The following DNAH6 variants were observed in gnomAD, a reference collection of about 807,000 sequenced individuals.
The protein encoded by DNAH6 is dynein axonemal heavy chain 6.
In DNAH6, 340 loss-of-function variants were observed where a neutral mutation model predicts 491.4. That is an observed-to-expected ratio of 0.69 (90% CI 0.63 to 0.76). The LOEUF is 0.76. DNAH6 is among the 30% of genes least tolerant of loss of function. The pLI is 0.00. For synonymous variants in DNAH6, 1,603 were observed against 1,686.1 expected, an observed-to-expected ratio of 0.95 and a Z score of 1.21; for missense variants, 4,443 against 4,972.2, an observed-to-expected ratio of 0.89 and a Z score of 3.20.
At chr2:84,460,745 T>C in the DNAH6 span, among the ~76,000 whole-genome samples, 3 of 152,216 alleles carry the variant, frequency 2.0e-5, no homozygotes, top group Non-Finnish European at 4.4e-5. Context: ...TATTTCAACC[T>C]CTTGTAATAA....
intron 4 of DNAH6, among the ~76,000 whole-genome samples, chr2:84,535,508 A>T (rs1241772857): frequency 6.6e-6 from 1 of 151,980 alleles, no homozygotes; most frequent in Non-Finnish European, 1.5e-5. Context: ...TAAAAGCATT[A>T]CAAGAACAAA....
In DNAH6 at chr2:84,588,741, T is replaced by C. The variant is rs574468604; in HGVS notation, c.2482-85T>C. ...AAAAGAAAAGAGAAAGGAATCTTTT[T>C]AAAAATGTTTATTAATTCATTTAAT... On this transcript the variant is annotated intron_variant, in intron 15 of 76. Transcript: ENST00000389394. The C allele has an allele frequency of 2.6e-4, 309 of 1,192,264 alleles. 4 individuals carry two copies. The South Asian group carries it at 5.3e-3, about 21-fold the overall frequency. 73.9% of individuals were successfully genotyped at this position (1,192,264 alleles called of 1,614,324 possible).
At chr2:84,662,111 A>T (rs1691567031) in intron 37 of DNAH6, among the ~76,000 whole-genome samples, 1 of 149,756 alleles carries the variant, frequency 6.7e-6, no homozygotes, top group African/African-American at 2.4e-5. Flanking sequence ...CTTGAGGTTT[A>T]AAAAAAAAAT....
rs1573838136 is a variant in DNAH6 at position 84,796,441 on chromosome 2, A to G, written c.11359+16A>G. ...TCTGAATCAGGTGAATGACTTTTCA[A>G]TATTACAGAAAAGGCCTTTCCCAAG... On this transcript the variant is annotated intron_variant, in intron 69 of 76. Coordinates refer to ENST00000389394, the MANE Select transcript of DNAH6 (RefSeq NM_001370.2). 1 of 1,489,724 alleles carries G rather than the reference A, an allele frequency of 6.7e-7. No individual in the cohort carries two copies. The allele number at this position is 1,489,724 out of a possible 1,614,324, so 92.3% of individuals were successfully genotyped here. A position where few individuals can be genotyped will look rare whatever the true frequency, so the allele number is the denominator to read the frequency against.
intron 16 of DNAH6, among the ~76,000 whole-genome samples, chr2:84,592,211 A>G (rs1375467514): frequency 2.9e-4 from 44 of 152,146 alleles, no homozygotes; most frequent in Non-Finnish European, 1.5e-5. Flanking sequence ...GTTATTATCT[A>G]AACTCCTTAT....
At chr2:84,633,009 A>G (rs1688544668) in intron 29 of DNAH6, among the ~76,000 whole-genome samples, 1 of 152,120 alleles carries the variant, frequency 6.6e-6, no homozygotes, top group African/African-American at 2.4e-5. Flanking sequence ...GTTTCCCCCA[A>G]ATGCCCCTTC....
chr2:84,653,919 G>A (rs1424373287), intron 34 of DNAH6, 45 bp downstream of exon 34: 1 of 1,451,096 alleles, frequency 6.9e-7, no homozygotes, highest in East Asian at 2.5e-5. Context: ...CATTAAATTG[G>A]CATACTATCG....
rs189001242 is a variant in DNAH6, at chr2:84,670,359, T to C, written c.6338T>C (p.Ile2113Thr). Residue 2113 changes from isoleucine (I) to threonine (T), a missense_variant, in exon 39 of 77, where the codon ATT becomes ACT. Transcript: ENST00000389394. ...SVIAKGLLNK[I>T]QESAGYVPVY... ...ATTGCAAAAGGATTGCTAAATAAAA[T>C]TCAAGAATCAGCTGGCTATGTCCCT... 6.4e-5 allele frequency: 99 copies of C among 1,539,266 alleles called. No homozygotes were observed. In the African/African-American group the frequency reaches 1.1e-3, roughly 18 times the overall value.
the DNAH6 span, among the ~76,000 whole-genome samples, chr2:84,502,732 G>A: frequency 3.9e-5 from 6 of 152,102 alleles, no homozygotes; most frequent in South Asian, 1.2e-3. Flanking sequence ...GAATTGACCC[G>A]TTTATCATTA....
intron 63 of DNAH6, among the ~76,000 whole-genome samples, chr2:84,753,345 G>A (rs529853269): frequency 5.3e-5 from 8 of 152,058 alleles, no homozygotes; most frequent in African/African-American, 1.7e-4. Flanking sequence ...CGCTTTCTTG[G>A]TAGTGTCCTT....
intron 11 of DNAH6, among the ~76,000 whole-genome samples, chr2:84,568,026 T>A (rs974153392): frequency 3.9e-5 from 6 of 152,058 alleles, no homozygotes; most frequent in African/African-American, 1.4e-4. Context: ...AAAACCACAG[T>A]GAGATACCAT....
At chr2:84,636,504 T>G (rs1158001205) in intron 30 of DNAH6, among the ~76,000 whole-genome samples, 2 of 152,122 alleles carry the variant, frequency 1.3e-5, no homozygotes, top group Non-Finnish European at 2.9e-5. Flanking sequence ...TTTCTGGAGA[T>G]CTCAAGAGTG....
At position 84,645,343 on chromosome 2, in the gene DNAH6, C is replaced by T. The variant is rs1321869267; in HGVS notation, c.5078+3289C>T. On this transcript the variant is annotated intron_variant, in intron 33 of 76. Transcript: ENST00000389394. ...CTGAGGCAGGAGAATCACTTGAAACCGTGAGGTGGAGGTTGCAGTAAGCCG... is the reference window on the plus strand; with the variant it reads ...CTGAGGCAGGAGAATCACTTGAAACTGTGAGGTGGAGGTTGCAGTAAGCCG... Among the ~76,000 whole-genome samples, 9 of 152,264 alleles carry T rather than the reference C, an allele frequency of 5.9e-5. No individual in the cohort carries two copies. The East Asian group carries it at 1.2e-3, about 20-fold the overall frequency.
chr2:84,758,496 C>G (rs958156865), intron 63 of DNAH6, among the ~76,000 whole-genome samples: 1 of 151,982 alleles, frequency 6.6e-6, no homozygotes, highest in African/African-American at 2.4e-5. Context: ...ACCAATATCC[C>G]TGATAAATAT....
At chr2:84,545,029 A>G (rs980727309) in intron 5 of DNAH6, among the ~76,000 whole-genome samples, 5 of 152,218 alleles carry the variant, frequency 3.3e-5, no homozygotes, top group Admixed American at 1.3e-4. Flanking sequence ...GTGTGACCAT[A>G]TTTATAATTT....
the DNAH6 span, among the ~76,000 whole-genome samples, chr2:84,473,363 A>G: frequency 6.6e-6 from 1 of 152,220 alleles, no homozygotes; most frequent in Non-Finnish European, 1.5e-5. Context: ...CTAAGTACAG[A>G]GTGAACGTTT....
the DNAH6 span, among the ~76,000 whole-genome samples, chr2:84,505,802 T>C: frequency 2.0e-5 from 3 of 152,158 alleles, no homozygotes; most frequent in African/African-American, 7.2e-5. Context: ...AGTTAGAACA[T>C]GCGGTGTTTG....
intron 33 of DNAH6, among the ~76,000 whole-genome samples, chr2:84,649,302 A>G (rs941781110): frequency 3.3e-5 from 5 of 152,182 alleles, no homozygotes; most frequent in Non-Finnish European, 7.3e-5. Flanking sequence ...ATATATAAAT[A>G]TACGATTAAG....
intron 5 of DNAH6, among the ~76,000 whole-genome samples, chr2:84,544,892 C>T (rs753122718): frequency 1.3e-5 from 2 of 152,126 alleles, no homozygotes; most frequent in African/African-American, 4.8e-5. Context: ...AAGTCAGGGC[C>T]TTGTTTTCAT....
Sources: gnomAD v4.1 joint callset for allele counts (sites outside exome capture counted in the v4.1 genomes callset) on GRCh38, gnomAD v4.1.1 for gene constraint, MANE v1.5 for transcripts, NCBI Gene and HGNC (gene_info 2026-07-23, HGNC 2026-07-21) for gene names.